The following SGCD variants were observed in gnomAD, a reference collection of about 807,000 sequenced individuals.
SGCD encodes the protein sarcoglycan delta.
In SGCD, 18 loss-of-function variants were observed where a neutral mutation model predicts 36.6. That is an observed-to-expected ratio of 0.49 (90% CI 0.34 to 0.73). The LOEUF (loss-of-function observed/expected upper bound fraction) is 0.73. SGCD is among the 30% of genes least tolerant of loss of function. The pLI, the probability that SGCD is intolerant of heterozygous loss-of-function variation, is 0.01. For missense variants in SGCD, 387 were observed against 346.7 expected (o/e 1.12, Z -0.92); for synonymous variants, 133 against 130.6 (o/e 1.02, Z -0.12).
intron 7 of SGCD, among the ~76,000 whole-genome samples, chr5:156,702,503 A>G (rs2113732637): frequency 6.6e-6 from 1 of 152,242 alleles, no homozygotes; most frequent in East Asian, 1.9e-4. Context: ...AACTCATCCT[A>G]ATAAAACCAA....
At chr5:155,752,097 C>T in the SGCD span, among the ~76,000 whole-genome samples, 8 of 152,302 alleles carry the variant, frequency 5.3e-5, no homozygotes, top group South Asian at 2.1e-4. Flanking sequence ...CCCACTTTCC[C>T]CATCTCATTG....
intron 2 of SGCD, among the ~76,000 whole-genome samples, chr5:156,339,911 G>T (rs1360109813): frequency 6.6e-6 from 1 of 152,128 alleles, no homozygotes; most frequent in Non-Finnish European, 1.5e-5. Flanking sequence ...CTTTCTGGTT[G>T]TATAGCCTTT....
At chr5:155,746,648 A>G in the SGCD span, among the ~76,000 whole-genome samples, 2 of 152,068 alleles carry the variant, frequency 1.3e-5, no homozygotes, top group African/African-American at 4.8e-5. Context: ...AGTCTCTGCC[A>G]TCTGCCCACC....
At chr5:156,688,100 G>C (rs923883982) in intron 7 of SGCD, among the ~76,000 whole-genome samples, 2 of 152,058 alleles carry the variant, frequency 1.3e-5, no homozygotes, top group African/African-American at 4.8e-5. Context: ...TACATGTGCA[G>C]GTTTGTTATT....
chr5:156,256,009 A>ATTT (rs1249140789), intron 3 of SGCD, among the ~76,000 whole-genome samples: 2 of 152,188 alleles, frequency 1.3e-5, no homozygotes, highest in East Asian at 3.9e-4. Flanking sequence ...CTCCCACTAC[A>ATTT]CAGAAAAGGC....
At chr5:155,891,481 T>C (rs2113316992) in intron 1 of SGCD, among the ~76,000 whole-genome samples, 1 of 151,880 alleles carries the variant, frequency 6.6e-6, no homozygotes, top group Middle Eastern at 3.4e-3. Context: ...ACTCCTGCTT[T>C]TTTCTTTTGT....
intron 3 of SGCD, chr5:156,458,392 A>G: frequency 6.4e-7 from 1 of 1,561,358 alleles, no homozygotes; most frequent in South Asian, 1.1e-5. Context: ...AAAAAGGAAA[A>G]CTTACTGTTG....
chr5:156,272,275 G>C (rs1056580196), intron 3 of SGCD, among the ~76,000 whole-genome samples: 3 of 152,118 alleles, frequency 2.0e-5, no homozygotes, highest in Admixed American at 6.6e-5. Context: ...TGTGATATTT[G>C]GTTTTCCATT....
At chr5:155,796,268 G>A in the SGCD span, among the ~76,000 whole-genome samples, 1 of 151,964 alleles carries the variant, frequency 6.6e-6, no homozygotes, top group African/African-American at 2.4e-5. Context: ...TGGTTACAAA[G>A]AATTGAGGTA....
intron 7 of SGCD, among the ~76,000 whole-genome samples, chr5:156,693,167 A>G (rs946822481): frequency 2.0e-5 from 3 of 152,178 alleles, no homozygotes; most frequent in African/African-American, 7.2e-5. Context: ...TAACTTTCTG[A>G]TGTTCCATTT....
At chr5:155,901,333 A>G (rs1469598544) in intron 1 of SGCD, among the ~76,000 whole-genome samples, 1 of 150,168 alleles carries the variant, frequency 6.7e-6, no homozygotes, top group African/African-American at 2.5e-5. Flanking sequence ...AAAAAAAAGT[A>G]ACACATGAAA....
At chr5:156,194,979 T>C (rs189034347) in intron 3 of SGCD, among the ~76,000 whole-genome samples, 142 of 152,268 alleles carry the variant, frequency 9.3e-4, no homozygotes, top group African/African-American at 3.4e-3. Flanking sequence ...ATGATGATTA[T>C]GGTGATGAAT....
At chr5:155,880,520 C>T (rs186729799) in intron 1 of SGCD, among the ~76,000 whole-genome samples, 30 of 152,254 alleles carry the variant, frequency 2.0e-4, no homozygotes, top group African/African-American at 7.0e-4. Context: ...GTGTCTGTCA[C>T]AGAGCACTGC....
chr5:156,428,189 T>C (rs914645427), intron 3 of SGCD, among the ~76,000 whole-genome samples: 1 of 152,134 alleles, frequency 6.6e-6, no homozygotes, highest in Non-Finnish European at 1.5e-5. Flanking sequence ...TGGTAGGTAA[T>C]TTTTAAATTA....
chr5:156,598,210 G>A (rs1372351243), intron 6 of SGCD, among the ~76,000 whole-genome samples: 1 of 152,104 alleles, frequency 6.6e-6, no homozygotes, highest in African/African-American at 2.4e-5. Flanking sequence ...CTTGGCTGGT[G>A]TGGAGGGAAA....
At chr5:156,156,489 T>C (rs1043207117) in intron 3 of SGCD, among the ~76,000 whole-genome samples, 3 of 151,458 alleles carry the variant, frequency 2.0e-5, no homozygotes, top group African/African-American at 7.4e-5. Flanking sequence ...ATTAGCGTGG[T>C]GGCATGCGCC....
intron 3 of SGCD, among the ~76,000 whole-genome samples, chr5:156,434,489 A>G (rs533596437): frequency 1.2e-4 from 19 of 152,236 alleles, no homozygotes; most frequent in Non-Finnish European, 2.2e-4. Context: ...TACAGAAGGT[A>G]ATTACTAAGA....
At chr5:155,868,462 T>C (rs980422402), upstream of SGCD, among the ~76,000 whole-genome samples, 1 of 150,096 alleles carries the variant, frequency 6.7e-6, no homozygotes, top group Non-Finnish European at 1.5e-5. Flanking sequence ...TGCCTCAGAC[T>C]CTGAAACTGT....
chr5:155,803,333 G>C, the SGCD span, among the ~76,000 whole-genome samples: 1 of 152,200 alleles, frequency 6.6e-6, no homozygotes, highest in African/African-American at 2.4e-5. Context: ...CATCAGACAG[G>C]AATGAGAATA....
Sources: allele counts gnomAD v4.1 joint callset (sites outside exome capture counted in the v4.1 genomes callset), GRCh38; gene constraint gnomAD v4.1.1; transcripts MANE v1.5; gene names NCBI Gene and HGNC (gene_info 2026-07-23, HGNC 2026-07-21).